FER1L6: variants seen among roughly 807,000 people sequenced by gnomAD.
FER1L6 encodes the protein fer-1 like family member 6.
A neutral mutation model predicts 219.2 loss-of-function variants in FER1L6; 177 were observed. The ratio of observed to expected loss-of-function variants is 0.81; its 90% CI spans 0.71 to 0.91. The LOEUF (loss-of-function observed/expected upper bound fraction) is 0.91. Among genes scored for constraint, FER1L6 ranks in the 40% least tolerant of loss-of-function variants. The probability of loss-of-function intolerance (pLI) is 0.00; values close to 1 mark genes in which losing one functional copy is unlikely to be tolerated. For synonymous variants in FER1L6, 768 were observed against 824.3 expected, an observed-to-expected ratio of 0.93 and a Z score of 1.17; for missense variants, 2,153 against 2,259.9, an observed-to-expected ratio of 0.95 and a Z score of 0.96.
intron 13 of FER1L6, among the ~76,000 whole-genome samples, chr8:124,009,505 C>T (rs555642318): frequency 2.0e-5 from 3 of 151,900 alleles, no homozygotes; most frequent in African/African-American, 7.2e-5. Context: ...GGAGCCGGTG[C>T]TGCTATTCTA....
chr8:123,865,785 A>G (rs1027888838), intron 1 of FER1L6, among the ~76,000 whole-genome samples: 3 of 151,076 alleles, frequency 2.0e-5, no homozygotes, highest in Non-Finnish European at 4.4e-5. Context: ...CGGAAAGGGA[A>G]CTCCCTGACC....
rs1586424781 is a variant in FER1L6 at position 123,860,181 on chromosome 8, C to T, written c.-8+7996C>T. Among the ~76,000 whole-genome samples the T allele has an allele frequency of 6.3e-5, 5 of 78,806 alleles. No homozygotes were observed. The South Asian group carries it at 2.9e-3, about 46-fold the overall frequency. The allele number at this position is 78,806 out of a possible 152,430, so 51.7% of individuals were successfully genotyped here. ...GAGTGTGATATTCCCCTTCCTGTGTCCATGTGATCTCATTGTTCAATTCCC... is the reference window on the plus strand; with the variant it reads ...GAGTGTGATATTCCCCTTCCTGTGTTCATGTGATCTCATTGTTCAATTCCC... On this transcript the variant is annotated intron_variant, in intron 1 of 40. Coordinates refer to ENST00000522917, the MANE Select transcript of FER1L6 (RefSeq NM_001039112.2).
At chr8:123,917,367 C>T (rs926996014) in intron 1 of FER1L6, among the ~76,000 whole-genome samples, 1 of 152,184 alleles carries the variant, frequency 6.6e-6, no homozygotes, top group African/African-American at 2.4e-5. Flanking sequence ...GTCGAGGTGT[C>T]CAGTACATCA....
chr8:124,053,468 G>A (rs1820141993), intron 22 of FER1L6, among the ~76,000 whole-genome samples: 3 of 152,210 alleles, frequency 2.0e-5, no homozygotes, highest in Non-Finnish European at 4.4e-5. Context: ...TCACCAGCAT[G>A]ACTGTCTTAG....
At chr8:124,070,825 G>C (rs1482166547) in intron 30 of FER1L6, among the ~76,000 whole-genome samples, 3 of 152,126 alleles carry the variant, frequency 2.0e-5, no homozygotes, top group Admixed American at 6.5e-5. Context: ...TAAGGAGACA[G>C]AGTCATTACC....
chr8:123,911,475 T>G (rs545582404), intron 1 of FER1L6, among the ~76,000 whole-genome samples: 1 of 152,320 alleles, frequency 6.6e-6, no homozygotes, highest in South Asian at 2.1e-4. Context: ...ACCCCCACTT[T>G]ACTCATGAGA....
intron 6 of FER1L6, 35 bp downstream of exon 6, chr8:123,970,132 G>A: frequency 6.3e-7 from 1 of 1,595,326 alleles, no homozygotes; most frequent in South Asian, 1.1e-5. Flanking sequence ...GTTGTGGAGA[G>A]GTGGGAGACA....
Position 123,986,083 on chromosome 8 carries a change from A to C in FER1L6, c.1426A>C (p.Asn476His), listed in dbSNP as rs1374707793. 6.2e-7 allele frequency: 1 copy of C among 1,610,772 alleles called. No individual in the cohort carries two copies. Residue 476 changes from asparagine to histidine, a missense_variant, in exon 12 of 41, where the codon AAT (asparagine) becomes CAT (histidine). Asn to His is a moderately conservative substitution (Grantham distance 68). Coordinates refer to ENST00000522917, the MANE Select transcript of FER1L6 (RefSeq NM_001039112.2). ...CTTTCTGTAGATTGTACCAGAAAAA[A>C]ATGAGGAATTTTTACTCTTTGGAGC... The part of the protein sequence containing the change: ...DVPPEIVPEK[N>H]EEFLLFGAFF...
At chr8:124,099,405 A>C (rs1822456884) in intron 37 of FER1L6, among the ~76,000 whole-genome samples, 1 of 152,186 alleles carries the variant, frequency 6.6e-6, no homozygotes, top group East Asian at 1.9e-4. Context: ...TTGGGTTGAG[A>C]ACCCCAAATC....
chr8:123,954,489 G>A (rs1279532413), intron 1 of FER1L6, among the ~76,000 whole-genome samples: 1 of 152,178 alleles, frequency 6.6e-6, no homozygotes, highest in Admixed American at 6.5e-5. Flanking sequence ...AATAGAATAA[G>A]TGAATGAGTT....
At chr8:124,068,550 C>T (rs1252757977) in intron 28 of FER1L6, among the ~76,000 whole-genome samples, 1 of 152,240 alleles carries the variant, frequency 6.6e-6, no homozygotes, top group Non-Finnish European at 1.5e-5. Flanking sequence ...CCCCTAACAA[C>T]TTTGCGCAAG....
rs765307128 is a variant in FER1L6, at chr8:123,973,541, T to C, written c.526+29T>C. On this transcript the variant is annotated intron_variant, in intron 7 of 40. Coordinates refer to ENST00000522917, the MANE Select transcript of FER1L6 (RefSeq NM_001039112.2). ...AGAAAACATCACCTCCCCATCTGTA[T>C]CTCACTTGTCTTTGGTTTATAGCAC... 9.7e-6 allele frequency: 15 copies of C among 1,538,692 alleles called. 1 individual carries two copies. In the South Asian group the frequency reaches 1.6e-4, roughly 16 times the overall value.
At chr8:123,981,257 C>T (rs1162376291) in intron 11 of FER1L6, among the ~76,000 whole-genome samples, 1 of 152,098 alleles carries the variant, frequency 6.6e-6, no homozygotes, top group African/African-American at 2.4e-5. Flanking sequence ...AACCTACTCC[C>T]CTACCCCAAA....
intron 38 of FER1L6, among the ~76,000 whole-genome samples, chr8:124,101,711 A>G (rs1371996770): frequency 1.3e-5 from 2 of 152,226 alleles, no homozygotes; most frequent in Non-Finnish European, 2.9e-5. Flanking sequence ...TGCCTCACAC[A>G]TAGTAAGCAT....
intron 1 of FER1L6, among the ~76,000 whole-genome samples, chr8:123,877,466 G>T (rs1198949779): frequency 2.0e-5 from 3 of 152,180 alleles, no homozygotes; most frequent in South Asian, 4.1e-4. Flanking sequence ...ATTTGTGGGG[G>T]CTTTGGGAGC....
intron 9 of FER1L6, among the ~76,000 whole-genome samples, chr8:123,976,334 C>CAA (rs1816071732): frequency 6.6e-6 from 1 of 152,050 alleles, no homozygotes; most frequent in Non-Finnish European, 1.5e-5. Context: ...AACCCTGTCT[C>CAA]AACTAAAAAC....
At chr8:124,055,256 T>A (rs376715825) in intron 22 of FER1L6, among the ~76,000 whole-genome samples, 1 of 152,230 alleles carries the variant, frequency 6.6e-6, no homozygotes, top group Admixed American at 6.5e-5. Flanking sequence ...CTAGGCGATA[T>A]GGCGAGACCA....
intron 20 of FER1L6, among the ~76,000 whole-genome samples, chr8:124,045,157 C>CTAAG (rs1378993833): frequency 6.6e-6 from 1 of 152,192 alleles, no homozygotes; most frequent in Non-Finnish European, 1.5e-5. Flanking sequence ...TTATTTGCTC[C>CTAAG]TAAGTCAAGA....
intron 14 of FER1L6, among the ~76,000 whole-genome samples, chr8:124,012,267 T>C (rs1817972605): frequency 6.6e-6 from 1 of 152,214 alleles, no homozygotes; most frequent in South Asian, 2.1e-4. Flanking sequence ...CCAGGCAACA[T>C]GGAGATAAAC....
Sources: allele counts gnomAD v4.1 joint callset (sites outside exome capture counted in the v4.1 genomes callset), GRCh38; gene constraint gnomAD v4.1.1; transcripts MANE v1.5; gene names NCBI Gene and HGNC (gene_info 2026-07-23, HGNC 2026-07-21).